Variants in ANKAR observed in about 807,000 individuals in gnomAD.
ANKAR encodes ankyrin and armadillo repeat-containing protein.
ANKAR carries 136 observed loss-of-function variants against 146.2 expected under a neutral mutation model. The observed-to-expected ratio is 0.93, with a 90% CI of 0.81 to 1.07. The LOEUF (loss-of-function observed/expected upper bound fraction) is 1.07. Ranked by LOEUF, ANKAR falls within the 50% of genes least tolerant of loss-of-function variation. The pLI, the probability that ANKAR is intolerant of heterozygous loss-of-function variation, is 0.00. For missense variants in ANKAR, 1,567 were observed against 1,679.9 expected (o/e 0.93, Z 1.18); for synonymous variants, 500 against 575.8 (o/e 0.87, Z 1.88).
rs142899400 is a variant in ANKAR at position 189,741,810 on chromosome 2, T to C, written c.3810+359T>C. Among the ~76,000 whole-genome samples, 112 of 152,324 alleles carry C rather than the reference T, an allele frequency of 7.4e-4. 1 individual carries two copies. The East Asian group carries it at 0.02, about 28-fold the overall frequency. On this transcript the variant is annotated intron_variant, in intron 20 of 22. Coordinates refer to ENST00000684021, the MANE Select transcript of ANKAR (RefSeq NM_001378068.1). ...AAAGAACTACCTGTTCAAATTAGTT[T>C]CTGATTTAAAAAACAAAAACAAAAC...
chr2:189,706,068 C>G (rs1482589981), intron 8 of ANKAR, among the ~76,000 whole-genome samples: 1 of 151,398 alleles, frequency 6.6e-6, no homozygotes, highest in African/African-American at 2.4e-5. Flanking sequence ...CCTCAGATGG[C>G]AACTCCTGCT....
intron 19 of ANKAR, 53 bp downstream of exon 19, chr2:189,738,735 A>T (rs925133492): frequency 6.2e-5 from 70 of 1,133,752 alleles, no homozygotes; most frequent in Non-Finnish European, 8.5e-5. Flanking sequence ...TTTCAAAAAC[A>T]GTTTATTGTA....
intron 12 of ANKAR, among the ~76,000 whole-genome samples, chr2:189,722,605 G>A (rs1011385292): frequency 2.0e-5 from 3 of 151,942 alleles, no homozygotes; most frequent in Non-Finnish European, 2.9e-5. Context: ...CTATAGCACC[G>A]GGTGTGGTAG....
rs559010080 is a variant in ANKAR, at chr2:189,723,895, T to G, written c.2635+3108T>G. On this transcript the variant is annotated intron_variant, in intron 12 of 22. Transcript: ENST00000684021. ...GAGCTACTTTGGATTACTGAATAGC[T>G]TAGTAAAGACACTTCCATTCCTTTC... Among the ~76,000 whole-genome samples, 18 of 152,318 alleles carry G rather than the reference T, an allele frequency of 1.2e-4. No individual in the cohort carries two copies. In the South Asian group the frequency reaches 2.1e-3, roughly 18 times the overall value.
intron 18 of ANKAR, among the ~76,000 whole-genome samples, chr2:189,753,502 C>T (rs766378350): frequency 1.3e-5 from 2 of 152,048 alleles, no homozygotes; most frequent in Non-Finnish European, 2.9e-5. Context: ...ACTTTATCAA[C>T]ATTAGTGTCA....
At chr2:189,683,250 G>A (rs1257853017) in intron 2 of ANKAR, among the ~76,000 whole-genome samples, 1 of 152,208 alleles carries the variant, frequency 6.6e-6, no homozygotes. Context: ...AGCTCTAAAT[G>A]ATTAAGACAG....
At chr2:189,690,863 T>C (rs1251989222) in intron 3 of ANKAR, among the ~76,000 whole-genome samples, 4 of 152,178 alleles carry the variant, frequency 2.6e-5, no homozygotes, top group African/African-American at 9.7e-5. Flanking sequence ...TTACTTAAAC[T>C]ATGGGAAGCA....
chr2:189,756,801 C>T lies in ANKAR; in HGVS notation c.*585-4297C>T, dbSNP rs115909170. ...TCTAATTGTACTTTCCTAACTCTGTCCTTTGATCCTTAGAGCCCATCCTAT... is the reference window on the plus strand; with the variant it reads ...TCTAATTGTACTTTCCTAACTCTGTTCTTTGATCCTTAGAGCCCATCCTAT... On this transcript the variant is annotated intron_variant and NMD_transcript_variant, in intron 18 of 18. Transcript: ENST00000441800. Among the ~76,000 whole-genome samples the T allele has an allele frequency of 7.2e-3, 1,099 of 152,264 alleles. 6 individuals carry two copies. The highest frequency in any genetic ancestry group is 0.013 in the Non-Finnish European group (867 of 68,014).
At chr2:189,754,987 A>C (rs1448651923) in intron 18 of ANKAR, 7 of 661,300 alleles carry the variant, frequency 1.1e-5, no homozygotes, top group Non-Finnish European at 1.7e-5. Flanking sequence ...CATTTTATTA[A>C]GAAAGGCTAA....
At chr2:189,676,362 T>C in intron 1 of ANKAR, 94 bp from the exon 2 acceptor site, 8 of 1,110,048 alleles carry the variant, frequency 7.2e-6, no homozygotes, top group Non-Finnish European at 9.9e-6. Flanking sequence ...ATTAATCTTA[T>C]GTAGGTGAAA....
In ANKAR at chr2:189,738,666, T is replaced by C; in HGVS notation, c.3684T>C (p.Ser1228=). The change falls in exon 19 of 23, where the codon TCT becomes TCC. Residue 1228 remains serine, a synonymous_variant. Transcript: ENST00000684021. ...LVDSLYSVQT[S]TIVLTGNLIA... ...ATAGTCTGTATTCAGTTCAGACTTC[T>C]ACTATTGTCTTGACAGGTAAGAAAT... 2 of 1,596,284 alleles carry C rather than the reference T, an allele frequency of 1.3e-6. No individual in the cohort carries two copies. The highest frequency in any genetic ancestry group is 1.7e-6 in the Non-Finnish European group (2 of 1,169,404).
At chr2:189,762,328 C>G (rs2047200477), downstream of ANKAR, among the ~76,000 whole-genome samples, 1 of 152,280 alleles carries the variant, frequency 6.6e-6, no homozygotes, top group South Asian at 2.1e-4. Flanking sequence ...TTTATGCCCC[C>G]AGATCATCCG....
At chr2:189,695,374 CAAT>C (rs1264085664) in intron 6 of ANKAR, among the ~76,000 whole-genome samples, 1 of 152,172 alleles carries the variant, frequency 6.6e-6, no homozygotes, top group Admixed American at 6.5e-5. Context: ...TGATTAATCT[CAAT>C]AACGGCTTAT....
chr2:189,714,579 A>G (rs1406739290), intron 10 of ANKAR, among the ~76,000 whole-genome samples: 1 of 152,240 alleles, frequency 6.6e-6, no homozygotes, highest in Non-Finnish European at 1.5e-5. Flanking sequence ...CAAAGACACA[A>G]TGTACCAGAA....
At chr2:189,734,970 G>A (rs969071176) in intron 17 of ANKAR, among the ~76,000 whole-genome samples, 13 of 150,470 alleles carry the variant, frequency 8.6e-5, no homozygotes. Flanking sequence ...TCTCAAAAAA[G>A]AGAATATATA....
Position 189,692,546 on chromosome 2 carries a change from A to G in ANKAR, c.1203+128A>G, listed in dbSNP as rs374861194. 706 of 776,848 alleles carry G rather than the reference A, an allele frequency of 9.1e-4. 9 individuals carry two copies. In the South Asian group the frequency reaches 0.01, roughly 11 times the overall value. The allele number at this position is 776,848 out of a possible 1,614,324, so 48.1% of individuals were successfully genotyped here. A position where few individuals can be genotyped will look rare whatever the true frequency, so the allele number is the denominator to read the frequency against. On this transcript the variant is annotated intron_variant, in intron 4 of 22. Transcript: ENST00000684021. The stretch of plus-strand genomic sequence containing the variant: ...CAAATGATTATTCTCACAACTCAAT[A>G]ATTTTTTCATACATTATTTTAACAT...
chr2:189,756,502 T>C (rs1434645600), intron 18 of ANKAR, among the ~76,000 whole-genome samples: 1 of 152,216 alleles, frequency 6.6e-6, no homozygotes, highest in Non-Finnish European at 1.5e-5. Context: ...TCAATGAATA[T>C]TTGCTGAGTA....
chr2:189,731,112 A>G (rs1053041098), intron 16 of ANKAR, among the ~76,000 whole-genome samples: 1 of 152,176 alleles, frequency 6.6e-6, no homozygotes, highest in African/African-American at 2.4e-5. Context: ...ATTACAAAGA[A>G]TTATTGTGAG....
At chr2:189,739,399 CA>C (rs2043129548) in intron 19 of ANKAR, among the ~76,000 whole-genome samples, 1 of 151,952 alleles carries the variant, frequency 6.6e-6, no homozygotes, top group African/African-American at 2.4e-5. Flanking sequence ...AGTATATGTG[CA>C]TGGCAAGGAA....
Sources: gnomAD v4.1 joint callset for allele counts (sites outside exome capture counted in the v4.1 genomes callset) on GRCh38, gnomAD v4.1.1 for gene constraint, MANE v1.5 for transcripts, NCBI Gene and HGNC (gene_info 2026-07-23, HGNC 2026-07-21) for gene names.